KDM4C: variants seen among roughly 807,000 people sequenced by gnomAD.
The protein encoded by KDM4C is lysine-specific demethylase 4C.
KDM4C carries 81 observed loss-of-function variants against 129.3 expected under a neutral mutation model. The observed-to-expected ratio is 0.63, with a 90% CI of 0.52 to 0.75. The LOEUF is 0.75. KDM4C is among the 30% of genes least tolerant of loss of function. The pLI is 0.00. For missense variants in KDM4C, 1,457 were observed against 1,304.0 expected, an observed-to-expected ratio of 1.12 and a Z score of -1.81; for synonymous variants, 573 against 456.1, an observed-to-expected ratio of 1.26 and a Z score of -3.26.
At chr9:6,982,328 G>A (rs1043014779) in intron 9 of KDM4C, 2 of 152,070 alleles carry the variant, frequency 1.3e-5, no homozygotes, top group African/African-American at 4.8e-5. Context: ...GACCTGAGGT[G>A]CAGAACTAAC....
chr9:6,852,882 C>G (rs1217486701), intron 5 of KDM4C, among the ~76,000 whole-genome samples: 2 of 152,086 alleles, frequency 1.3e-5, no homozygotes, highest in Non-Finnish European at 2.9e-5. Flanking sequence ...CTATGTGCTG[C>G]CCCTACTTTA....
intron 8 of KDM4C, among the ~76,000 whole-genome samples, chr9:6,970,163 C>T (rs529717865): frequency 4.6e-5 from 7 of 152,228 alleles, no homozygotes; most frequent in South Asian, 2.1e-4. Context: ...ACAAATCATG[C>T]GGTGCAATTT....
upstream of KDM4C, among the ~76,000 whole-genome samples, chr9:6,756,295 CTAAG>C (rs1227975210): frequency 1.3e-5 from 2 of 152,246 alleles, no homozygotes; most frequent in East Asian, 1.9e-4. Flanking sequence ...CATTACTGTT[CTAAG>C]TAAGTGTTAG....
chr9:7,027,809 A>G (rs1035512717), intron 15 of KDM4C, among the ~76,000 whole-genome samples: 1 of 152,236 alleles, frequency 6.6e-6, no homozygotes, highest in African/African-American at 2.4e-5. Flanking sequence ...ACCAGAAGAC[A>G]CAGTACTTCT....
chr9:7,015,818 G>C (rs1336402042), intron 14 of KDM4C, 35 bp from the exon 15 acceptor site: 1 of 1,417,438 alleles, frequency 7.1e-7, no homozygotes, highest in East Asian at 2.3e-5. Context: ...AGGTGAAAAA[G>C]ACCTAACGCA....
chr9:7,020,913 CTT>C (rs34853871), intron 15 of KDM4C, among the ~76,000 whole-genome samples: 4 of 141,684 alleles, frequency 2.8e-5, no homozygotes, highest in Admixed American at 7.0e-5. Flanking sequence ...ATTCATTTTC[CTT>C]TTTTTTTTTT....
chr9:6,759,893 A>G (rs375296759), intron 1 of KDM4C, among the ~76,000 whole-genome samples: 11 of 151,424 alleles, frequency 7.3e-5, no homozygotes, highest in African/African-American at 2.4e-4. Context: ...GTGAGCCGAG[A>G]TGGCACCACT....
At chr9:7,069,360 A>T (rs1203320551) in intron 17 of KDM4C, among the ~76,000 whole-genome samples, 1 of 152,204 alleles carries the variant, frequency 6.6e-6, no homozygotes, top group Non-Finnish European at 1.5e-5. Flanking sequence ...TTGCCAGGAA[A>T]GTTTATACAT....
chr9:7,044,946 C>A (rs370570825), intron 15 of KDM4C, among the ~76,000 whole-genome samples: 1 of 152,054 alleles, frequency 6.6e-6, no homozygotes, highest in Non-Finnish European at 1.5e-5. Context: ...GGGAGAAAAT[C>A]TTTCAGGAAG....
intron 4 of KDM4C, among the ~76,000 whole-genome samples, chr9:6,840,928 C>T (rs941649479): frequency 6.6e-6 from 1 of 152,166 alleles, no homozygotes; most frequent in African/African-American, 2.4e-5. Context: ...TAAATGGGTG[C>T]TAGCTATGTC....
intron 18 of KDM4C, 37 bp downstream of exon 18, chr9:7,103,907 T>G (rs2133155955): frequency 6.3e-7 from 1 of 1,583,458 alleles, no homozygotes; most frequent in East Asian, 2.3e-5. Context: ...GCTAAGACCG[T>G]GTCTGGATTT....
intron 8 of KDM4C, among the ~76,000 whole-genome samples, chr9:6,952,064 A>G (rs1281452950): frequency 6.6e-6 from 1 of 152,220 alleles, no homozygotes; most frequent in Non-Finnish European, 1.5e-5. Flanking sequence ...GGCTTAAAAA[A>G]TACATTGTTG....
chr9:6,834,996 C>G, intron 4 of KDM4C: 1 of 964,168 alleles, frequency 1.0e-6, no homozygotes, highest in South Asian at 1.3e-5. Flanking sequence ...CTGGACCTGG[C>G]TGGCCGGGAC....
rs1028467947 is a variant in KDM4C at position 6,734,530 on chromosome 9, G to C, written c.49+13533G>C. On this transcript the variant is annotated intron_variant, in intron 1 of 17. Transcript: ENST00000536108. ...GCTGGTCTCGAACTCCTGATCTCAG[G>C]TGATCCTCCTGCCTCGGCCTCCCAA... is the stretch of plus-strand genomic sequence containing the variant. 3.4e-5 allele frequency: 6 copies of C among 178,826 alleles called. 1 individual carries two copies. Among genetic ancestry groups the C allele is most frequent in the African/African-American group, 2.4e-5 (1 of 41,708 alleles). 11.1% of individuals were successfully genotyped at this position (178,826 alleles called of 1,614,324 possible).
rs1563913049 is a variant in KDM4C at position 6,729,122 on chromosome 9, T to TAAAAAAAAGAAAAAAAAAAAGGCTTGTCA, written c.49+8125_49+8126insAAAAAAAAGAAAAAAAAAAAGGCTTGTCA. ...CGGGAGGCTGAGGCAGAGAATTGCT[T>TAAAAAAAAGAAAAAAAAAAAGGCTTGTCA]GAACCCGGGAAGCAGAGGTTGCAGT... On this transcript the variant is annotated intron_variant, in intron 1 of 17. Transcript: ENST00000536108. Among the ~76,000 whole-genome samples, 156 of 122,650 alleles carry TAAAAAAAAGAAAAAAAAAAAGGCTTGTCA rather than the reference T, an allele frequency of 1.3e-3. 5 individuals are homozygous for TAAAAAAAAGAAAAAAAAAAAGGCTTGTCA. Among genetic ancestry groups the TAAAAAAAAGAAAAAAAAAAAGGCTTGTCA allele is most frequent in the Middle Eastern group, 4.5e-3 (1 of 220 alleles). The allele number at this position is 122,650 out of a possible 152,430, so 80.5% of individuals were successfully genotyped here. A position where few individuals can be genotyped will look rare whatever the true frequency, so the allele number is the denominator to read the frequency against.
chr9:7,144,359 G>A (rs1171926666), intron 19 of KDM4C, among the ~76,000 whole-genome samples: 2 of 152,158 alleles, frequency 1.3e-5, no homozygotes, highest in African/African-American at 4.8e-5. Context: ...ACCTGGCTCT[G>A]CTTTTTAATC....
intron 20 of KDM4C, among the ~76,000 whole-genome samples, chr9:7,169,559 C>A (rs1844749602): frequency 6.6e-6 from 1 of 152,146 alleles, no homozygotes; most frequent in Non-Finnish European, 1.5e-5. Flanking sequence ...GTCTCGATCT[C>A]CTGACCTTGG....
At chr9:7,036,818 G>A (rs777387915) in intron 15 of KDM4C, among the ~76,000 whole-genome samples, 2 of 152,188 alleles carry the variant, frequency 1.3e-5, no homozygotes, top group Non-Finnish European at 2.9e-5. Context: ...GTCATTCACT[G>A]TGTTGCTCAG....
rs1311944378 is a variant in KDM4C at position 6,984,140 on chromosome 9, C to G, written c.1116-26C>G. The G allele has an allele frequency of 3.3e-6, 5 of 1,498,476 alleles. No homozygotes were observed. The South Asian group carries it at 3.4e-5, about 10-fold the overall frequency. 92.8% of individuals were successfully genotyped at this position (1,498,476 alleles called of 1,614,324 possible). A position where few individuals can be genotyped will look rare whatever the true frequency, so the allele number is the denominator to read the frequency against. ...TCATATCCATTGCAGACATCCCGCT[C>G]TGACCACTGCTTCTCTTGTTGACAG... is the stretch of plus-strand genomic sequence containing the variant. On this transcript the variant is annotated intron_variant, in intron 9 of 21. Coordinates refer to ENST00000381309, the MANE Select transcript of KDM4C (RefSeq NM_015061.6).
Sources: allele counts gnomAD v4.1 joint callset (sites outside exome capture counted in the v4.1 genomes callset), GRCh38; gene constraint gnomAD v4.1.1; transcripts MANE v1.5; gene names NCBI Gene and HGNC (gene_info 2026-07-23, HGNC 2026-07-21).